CLPB: variants seen among roughly 807,000 people sequenced by gnomAD.
CLPB encodes the protein ClpB family mitochondrial disaggregase.
A neutral mutation model predicts 78.4 loss-of-function variants in CLPB; 40 were observed. The observed-to-expected ratio is 0.51, with a 90% CI of 0.40 to 0.66. The LOEUF is 0.66. CLPB is among the 30% of genes least tolerant of loss of function. The pLI is 0.00. For missense variants in CLPB, 780 were observed against 886.9 expected (o/e 0.88, Z 1.53); for synonymous variants, 333 against 348.0 (o/e 0.96, Z 0.48).
At chr11:72,297,142 G>A (rs1435467083) in intron 11 of CLPB, among the ~76,000 whole-genome samples, 4 of 152,234 alleles carry the variant, frequency 2.6e-5, no homozygotes, top group Non-Finnish European at 5.9e-5. Flanking sequence ...TTTCTTTTGG[G>A]AAGCAGAGAA....
At chr11:72,402,308 C>A (rs1031522173) in intron 3 of CLPB, among the ~76,000 whole-genome samples, 14 of 152,148 alleles carry the variant, frequency 9.2e-5, no homozygotes, top group African/African-American at 3.1e-4. Context: ...GCAGCCAGAC[C>A]AGGTTCTAAA....
At chr11:72,293,940 G>T in intron 15 of CLPB, 82 bp downstream of exon 15, 1 of 1,223,072 alleles carries the variant, frequency 8.2e-7, no homozygotes, top group Non-Finnish European at 1.2e-6. Flanking sequence ...AGGGAGGCAG[G>T]CTGAGAGCTC....
chr11:72,373,875 G>A (rs540038624), intron 4 of CLPB, among the ~76,000 whole-genome samples: 5 of 149,476 alleles, frequency 3.3e-5, no homozygotes, highest in Non-Finnish European at 5.9e-5. Context: ...CAGGAGAATC[G>A]CCTGAACCCA....
At chr11:72,384,379 G>A (rs1489596880) in intron 3 of CLPB, among the ~76,000 whole-genome samples, 1 of 152,132 alleles carries the variant, frequency 6.6e-6, no homozygotes, top group Non-Finnish European at 1.5e-5. Context: ...GAATATGTTT[G>A]TGGCGGGTAT....
At chr11:72,423,320 A>C (rs1856265046) in intron 2 of CLPB, among the ~76,000 whole-genome samples, 1 of 151,838 alleles carries the variant, frequency 6.6e-6, no homozygotes, top group Non-Finnish European at 1.5e-5. Flanking sequence ...ATCTCGGTGA[A>C]TGGCAAGAGC....
Position 72,308,576 on chromosome 11 carries a change from G to A in CLPB, c.1017C>T (p.Tyr339=), listed in dbSNP as rs772512727. ...AAIRRKENGW[Y]DEEHPLVFLF... is the part of the protein sequence containing the mutation. ...GGAAGACCAGAGGGTGTTCTTCATC[G>A]TACCAGCCATTCTCCTTCCTCCGGA... The change falls in exon 8 of 16, where the codon TAC becomes TAT. Residue 339 remains tyrosine, a synonymous_variant. Transcript: ENST00000538039. 2.5e-6 allele frequency: 4 copies of A among 1,614,130 alleles called. No individual in the cohort carries two copies. The highest frequency in any genetic ancestry group is 3.4e-6 in the Non-Finnish European group (4 of 1,180,000).
Position 72,317,174 on chromosome 11 carries a change from A to G in CLPB, c.920T>C (p.Phe307Ser). 2.5e-6 allele frequency: 4 copies of G among 1,611,646 alleles called. No individual in the cohort carries two copies. The highest frequency in any genetic ancestry group is 2.5e-6 in the Non-Finnish European group (3 of 1,179,324). Residue 307 changes from phenylalanine (F) to serine (S), a missense_variant, in exon 7 of 16, where the codon TTC (phenylalanine) becomes TCC (serine). This residue lies in a region of CLPB where 417 missense variants were observed against 414.7 expected (regional missense o/e 1.01). Coordinates refer to ENST00000538039, the MANE Select transcript of CLPB (RefSeq NM_001258392.3). ...RKREAEERRR[F>S]PLEQRLKEHI... ...CTCCTTTAGTCGCTGCTCCAGGGGG[A>G]AGCGGCGCCGCTCCTCAGCCTCACG... is the stretch of plus-strand genomic sequence containing the variant.
chr11:72,347,284 CTG>C (rs1440023581), intron 5 of CLPB, among the ~76,000 whole-genome samples: 1 of 152,142 alleles, frequency 6.6e-6, no homozygotes, highest in African/African-American at 2.4e-5. Context: ...CAGCAAGACT[CTG>C]TCTCTACAAA....
At chr11:72,377,382 T>C (rs2135669987) in intron 4 of CLPB, among the ~76,000 whole-genome samples, 1 of 152,358 alleles carries the variant, frequency 6.6e-6, no homozygotes, top group South Asian at 2.1e-4. Context: ...TACAGGAATG[T>C]GATCAATAAA....
chr11:72,373,921 T>C (rs1951090401), intron 4 of CLPB, among the ~76,000 whole-genome samples: 1 of 144,748 alleles, frequency 6.9e-6, no homozygotes, highest in Non-Finnish European at 1.5e-5. Context: ...GATCATGTCA[T>C]TGCACTCCAG....
At position 72,308,521 on chromosome 11, in the gene CLPB, A is replaced by T; in HGVS notation, c.1066+6T>A. The T allele has an allele frequency of 6.2e-7, 1 of 1,613,518 alleles. No homozygotes were observed. The highest frequency in any genetic ancestry group is 8.5e-7 in the Non-Finnish European group (1 of 1,179,504). On this transcript the variant is annotated splice_donor_region_variant and intron_variant, in intron 8 of 15. Transcript: ENST00000538039. ...TGTCCCCACTGGCTGATCTGCTCCC[A>T]ATTACCTATTCCAGATGATCCCAAG...
chr11:72,410,257 GCT>G (rs1464826983), intron 2 of CLPB, among the ~76,000 whole-genome samples: 3 of 152,000 alleles, frequency 2.0e-5, no homozygotes, highest in Non-Finnish European at 4.4e-5. Flanking sequence ...ACAAATCCAG[GCT>G]CTGTTACTTA....
chr11:72,376,713 C>T (rs981010930), intron 4 of CLPB, among the ~76,000 whole-genome samples: 10 of 152,058 alleles, frequency 6.6e-5, no homozygotes, highest in African/African-American at 2.2e-4. Flanking sequence ...GCTCTGTCAC[C>T]CAGGCTGTAA....
intron 7 of CLPB, among the ~76,000 whole-genome samples, chr11:72,316,538 C>T (rs1949945888): frequency 6.6e-6 from 1 of 152,168 alleles, no homozygotes; most frequent in South Asian, 2.1e-4. Context: ...AGGGATTACA[C>T]CAGAGGGCAG....
chr11:72,322,237 C>T (rs914594837), intron 6 of CLPB, among the ~76,000 whole-genome samples: 20 of 152,176 alleles, frequency 1.3e-4, no homozygotes, highest in African/African-American at 4.8e-4. Context: ...CTCCTCTCTT[C>T]CAGTCCATCC....
intron 5 of CLPB, among the ~76,000 whole-genome samples, chr11:72,339,497 C>T (rs971017615): frequency 2.6e-5 from 4 of 152,194 alleles, no homozygotes; most frequent in Non-Finnish European, 5.9e-5. Context: ...TATGAGCAGC[C>T]TCAAGAGCAA....
chr11:72,377,114 A>G (rs1451937281), intron 4 of CLPB, among the ~76,000 whole-genome samples: 2 of 152,216 alleles, frequency 1.3e-5, no homozygotes, highest in African/African-American at 4.8e-5. Flanking sequence ...TGCTAGAAAC[A>G]TTTTAATTTT....
At chr11:72,295,166 A>C (rs1196648121) in intron 12 of CLPB, among the ~76,000 whole-genome samples, 1 of 152,132 alleles carries the variant, frequency 6.6e-6, no homozygotes, top group Non-Finnish European at 1.5e-5. Flanking sequence ...GCACCAAAGC[A>C]TCTGTGTCTC....
At chr11:72,335,826 T>C (rs1185015453) in intron 5 of CLPB, among the ~76,000 whole-genome samples, 1 of 152,244 alleles carries the variant, frequency 6.6e-6, no homozygotes, top group Non-Finnish European at 1.5e-5. Flanking sequence ...TGCCATCTTC[T>C]GAGGCCACAC....
Sources: allele counts gnomAD v4.1 joint callset (sites outside exome capture counted in the v4.1 genomes callset), GRCh38; gene constraint gnomAD v4.1.1; regional missense constraint gnomAD v4.1.1; transcripts MANE v1.5; gene names NCBI Gene and HGNC (gene_info 2026-07-23, HGNC 2026-07-21).